Variants in SH3PXD2A observed in about 807,000 individuals in gnomAD.
SH3PXD2A encodes the protein SH3 and PX domain-containing protein 2A.
SH3PXD2A carries 32 observed loss-of-function variants against 115.2 expected under a neutral mutation model. That is an observed-to-expected ratio of 0.28 (90% CI 0.21 to 0.37). SH3PXD2A has a LOEUF of 0.37. Ranked by LOEUF, SH3PXD2A falls within the 10% of genes least tolerant of loss-of-function variation. The pLI is 1.00. For synonymous variants in SH3PXD2A, 610 were observed against 629.1 expected (o/e 0.97, Z 0.45); for missense variants, 1,328 against 1,498.7 (o/e 0.89, Z 1.88).
chr10:103,741,748 C>A (rs1177342174), intron 3 of SH3PXD2A, among the ~76,000 whole-genome samples: 2 of 152,224 alleles, frequency 1.3e-5, no homozygotes, highest in Non-Finnish European at 2.9e-5. Context: ...CCAAGGACAG[C>A]CCTCCTGCCC....
intron 1 of SH3PXD2A, among the ~76,000 whole-genome samples, chr10:103,842,463 T>C (rs575066369): frequency 2.0e-5 from 3 of 152,344 alleles, no homozygotes; most frequent in South Asian, 2.1e-4. Context: ...TAACTACAAT[T>C]TCCTTACTGT....
In SH3PXD2A at chr10:103,694,963, G is replaced by A. The variant is rs1406407276; in HGVS notation, c.399-1907C>T. On this transcript the variant is annotated intron_variant, in intron 5 of 14. Transcript: ENST00000369774. The stretch of plus-strand genomic sequence containing the variant: ...TGAGTCCTAGCTGTGCCCCCCAAAA[G>A]CTCAACTGTGCAGGGAATTCCTGAG... Among the ~76,000 whole-genome samples the A allele has an allele frequency of 3.9e-5, 6 of 152,344 alleles. No homozygotes were observed. The East Asian group carries it at 1.2e-3, about 29-fold the overall frequency.
chr10:103,707,822 C>T (rs4465309), intron 5 of SH3PXD2A, among the ~76,000 whole-genome samples: 2 of 152,164 alleles, frequency 1.3e-5, no homozygotes, highest in African/African-American at 4.8e-5. Context: ...TCCTAACCAT[C>T]GTGAGCTTTT....
At chr10:103,812,685 C>T (rs1343955390) in intron 1 of SH3PXD2A, among the ~76,000 whole-genome samples, 1 of 152,146 alleles carries the variant, frequency 6.6e-6, no homozygotes, top group African/African-American at 2.4e-5. Context: ...GGCCAGCAGC[C>T]GCCTCCACAC....
intron 3 of SH3PXD2A, among the ~76,000 whole-genome samples, chr10:103,748,962 T>G (rs2134202558): frequency 6.6e-6 from 1 of 151,788 alleles, no homozygotes; most frequent in African/African-American, 2.4e-5. Flanking sequence ...AAGTCTTTCT[T>G]TCTTTCTTCT....
chr10:103,683,400 G>A (rs934368533), intron 6 of SH3PXD2A, among the ~76,000 whole-genome samples: 16 of 151,874 alleles, frequency 1.1e-4, no homozygotes, highest in Non-Finnish European at 1.9e-4. Flanking sequence ...TGTAGTCCCA[G>A]CTACTTGGGA....
chr10:103,736,823 T>C, intron 3 of SH3PXD2A: 1 of 1,283,382 alleles, frequency 7.8e-7, no homozygotes, highest in Non-Finnish European at 1.0e-6. Flanking sequence ...CTACCTAATT[T>C]CCCCCTGGAG....
intron 1 of SH3PXD2A, among the ~76,000 whole-genome samples, chr10:103,824,238 TTCC>T (rs1293128700): frequency 1.1e-4 from 16 of 152,276 alleles, no homozygotes; most frequent in African/African-American, 3.8e-4. Flanking sequence ...GAGCTTTGAT[TTCC>T]TCGTCTTTAA....
chr10:103,751,216 A>G (rs555136145), intron 3 of SH3PXD2A, among the ~76,000 whole-genome samples: 3 of 152,334 alleles, frequency 2.0e-5, no homozygotes, highest in African/African-American at 7.2e-5. Flanking sequence ...TTATTGAATG[A>G]CTTTTGTAGA....
intron 3 of SH3PXD2A, among the ~76,000 whole-genome samples, chr10:103,760,878 T>C (rs955274689): frequency 2.6e-5 from 4 of 152,128 alleles, no homozygotes; most frequent in African/African-American, 9.7e-5. Context: ...AAAAGAATAT[T>C]TTTTTTAAAA....
intron 6 of SH3PXD2A, among the ~76,000 whole-genome samples, chr10:103,683,800 T>A (rs1423647227): frequency 6.6e-6 from 1 of 152,154 alleles, no homozygotes; most frequent in African/African-American, 2.4e-5. Flanking sequence ...ATCTCCTCTG[T>A]CCTTCAGGGC....
intron 2 of SH3PXD2A, among the ~76,000 whole-genome samples, chr10:103,796,354 C>A (rs1479434963): frequency 6.7e-6 from 1 of 150,358 alleles, no homozygotes; most frequent in Non-Finnish European, 1.5e-5. Context: ...CACAGCGAGA[C>A]CCTGTCTCTA....
chr10:103,687,598 C>T (rs762610161), intron 6 of SH3PXD2A, among the ~76,000 whole-genome samples: 9 of 152,212 alleles, frequency 5.9e-5, no homozygotes, highest in Admixed American at 1.3e-4. Flanking sequence ...TCTCACCTGG[C>T]TAGCAGCCCC....
chr10:103,622,573 TG>T lies in SH3PXD2A; in HGVS notation c.719-21del. On this transcript the variant is annotated intron_variant, in intron 9 of 14. Coordinates refer to ENST00000369774, the MANE Select transcript of SH3PXD2A (RefSeq NM_001394015.1). ...TGGACACTGGTGTGGGAGATGGCGA[TG>T]GAGCATGCGGCCAACAGCAACCGGC... 6.6e-7 allele frequency: 1 copy of T among 1,523,828 alleles called. No individual in the cohort carries two copies. Among genetic ancestry groups the T allele is most frequent in the Non-Finnish European group, 8.9e-7 (1 of 1,126,952 alleles). The allele number at this position is 1,523,828 out of a possible 1,614,324, so 94.4% of individuals were successfully genotyped here.
chr10:103,713,341 C>A (rs2038068149), intron 5 of SH3PXD2A, among the ~76,000 whole-genome samples: 3 of 152,236 alleles, frequency 2.0e-5, no homozygotes, highest in Admixed American at 2.0e-4. Context: ...CAATAGCCAA[C>A]TGGTTCTGCT....
At chr10:103,763,253 C>T (rs1322654119) in intron 3 of SH3PXD2A, among the ~76,000 whole-genome samples, 1 of 152,232 alleles carries the variant, frequency 6.6e-6, no homozygotes, top group African/African-American at 2.4e-5. Flanking sequence ...AGCCATCAGC[C>T]TGCAGCCACA....
intron 5 of SH3PXD2A, among the ~76,000 whole-genome samples, chr10:103,709,008 C>T (rs985790690): frequency 1.3e-5 from 2 of 151,942 alleles, no homozygotes; most frequent in African/African-American, 4.8e-5. Context: ...ACCTTCAATT[C>T]CCTGGCTTGC....
At chr10:103,790,445 C>T (rs1391679974) in intron 2 of SH3PXD2A, among the ~76,000 whole-genome samples, 13 of 152,126 alleles carry the variant, frequency 8.5e-5, no homozygotes, top group South Asian at 4.1e-4. Context: ...TGAGCCACCG[C>T]GCCCGGCCCA....
At chr10:103,848,938 C>T (rs965954170) in intron 1 of SH3PXD2A, among the ~76,000 whole-genome samples, 1 of 142,988 alleles carries the variant, frequency 7.0e-6, no homozygotes, top group African/African-American at 2.6e-5. Context: ...TCCAACTTTC[C>T]CCATATATTC....
Sources: allele counts gnomAD v4.1 joint callset (sites outside exome capture counted in the v4.1 genomes callset), GRCh38; gene constraint gnomAD v4.1.1; transcripts MANE v1.5; gene names NCBI Gene and HGNC (gene_info 2026-07-23, HGNC 2026-07-21).